Variants in CDH13 observed in about 807,000 individuals in gnomAD.
The protein encoded by CDH13 is cadherin 13.
CDH13 carries 24 observed loss-of-function variants against 63.8 expected under a neutral mutation model. The ratio of observed to expected loss-of-function variants is 0.38; its 90% CI spans 0.27 to 0.53. CDH13 has a LOEUF of 0.53. Among genes scored for constraint, CDH13 ranks in the 20% least tolerant of loss-of-function variants. The pLI is 0.85. For missense variants in CDH13, 1,049 were observed against 903.1 expected (o/e 1.16, Z -2.07); for synonymous variants, 503 against 355.3 (o/e 1.42, Z -4.67).
chr16:82,858,242 C>A (rs2039783061), intron 1 of CDH13, 120 bp from the exon 2 acceptor site: 2 of 646,776 alleles, frequency 3.1e-6, no homozygotes, highest in Non-Finnish European at 5.5e-6. Flanking sequence ...CAACTTACCT[C>A]TTCATTTGGG....
intron 1 of CDH13, among the ~76,000 whole-genome samples, chr16:82,694,953 C>A (rs2030078779): frequency 6.6e-6 from 1 of 152,060 alleles, no homozygotes; most frequent in Admixed American, 6.5e-5. Flanking sequence ...GATTATATGA[C>A]CATGGAGCTA....
chr16:83,576,134 C>T (rs1020114511), intron 7 of CDH13, among the ~76,000 whole-genome samples: 4 of 152,168 alleles, frequency 2.6e-5, no homozygotes, highest in Non-Finnish European at 4.4e-5. Context: ...AAGGAAACTC[C>T]AGAGCCATTA....
chr16:82,987,956 C>G (rs1269624264), intron 2 of CDH13, among the ~76,000 whole-genome samples: 1 of 152,154 alleles, frequency 6.6e-6, no homozygotes, highest in East Asian at 1.9e-4. Context: ...GTCAACAGTG[C>G]CTCGTCTCAT....
Position 83,037,597 on chromosome 16 carries a change from A to G in CDH13, c.366+5379A>G, listed in dbSNP as rs570792920. Among the ~76,000 whole-genome samples the G allele has an allele frequency of 1.2e-4, 18 of 152,318 alleles. No homozygotes were observed. In the South Asian group the frequency reaches 2.7e-3, roughly 23 times the overall value. On this transcript the variant is annotated intron_variant, in intron 3 of 13. Transcript: ENST00000567109. ...ACCAGTCAGGAAAGAAATGTTAGGG[A>G]AAGACGTCTAGTCAGGCTTGAGTGT...
At chr16:82,891,434 C>T (rs1472741279) in intron 2 of CDH13, among the ~76,000 whole-genome samples, 1 of 152,134 alleles carries the variant, frequency 6.6e-6, no homozygotes, top group African/African-American at 2.4e-5. Context: ...CTTGGATTTG[C>T]CTACATTTAG....
intron 5 of CDH13, among the ~76,000 whole-genome samples, chr16:83,238,669 C>T (rs566244832): frequency 3.3e-5 from 5 of 152,260 alleles, no homozygotes; most frequent in African/African-American, 1.2e-4. Context: ...AGATCCTGGT[C>T]TCTTTCATCT....
intron 3 of CDH13, among the ~76,000 whole-genome samples, chr16:83,117,475 G>A (rs543051651): frequency 6.6e-6 from 1 of 152,014 alleles, no homozygotes; most frequent in East Asian, 1.9e-4. Flanking sequence ...AGCACTTCCA[G>A]CCCTCCTCCC....
intron 2 of CDH13, among the ~76,000 whole-genome samples, chr16:82,934,728 G>T (rs899858742): frequency 6.6e-6 from 1 of 152,108 alleles, no homozygotes; most frequent in Non-Finnish European, 1.5e-5. Context: ...GATCTCTAGG[G>T]CAAGGGCAAG....
intron 6 of CDH13, among the ~76,000 whole-genome samples, chr16:83,438,890 C>G (rs1407934323): frequency 1.3e-5 from 2 of 152,142 alleles, no homozygotes; most frequent in African/African-American, 4.8e-5. Flanking sequence ...CCTACAATAA[C>G]TATTGGGAAT....
intron 7 of CDH13, among the ~76,000 whole-genome samples, chr16:83,580,474 CTCTCTCTCTCTCT>C (rs1381094763): frequency 9.3e-6 from 1 of 107,834 alleles, no homozygotes; most frequent in African/African-American, 3.3e-5. Flanking sequence ...CTCTCTCTCT[CTCTCTCTCTCTCT>C]CTCTCTCTCT....
intron 4 of CDH13, among the ~76,000 whole-genome samples, chr16:83,203,146 C>T (rs544571400): frequency 6.6e-6 from 1 of 152,200 alleles, no homozygotes; most frequent in East Asian, 1.9e-4. Context: ...ATTGCTTGAA[C>T]CTGGCAGGTG....
At chr16:83,683,097 C>T (rs773235685) in intron 10 of CDH13, among the ~76,000 whole-genome samples, 2 of 152,174 alleles carry the variant, frequency 1.3e-5, no homozygotes, top group African/African-American at 2.4e-5. Context: ...CAGCAAAGGG[C>T]GCCTTGATCT....
chr16:83,734,872 G>C (rs1189218228), intron 10 of CDH13, among the ~76,000 whole-genome samples: 1 of 151,882 alleles, frequency 6.6e-6, no homozygotes, highest in East Asian at 1.9e-4. Context: ...GCAGTGGTCT[G>C]GTAAGTTTCA....
At chr16:83,261,829 C>G (rs1023127969) in intron 5 of CDH13, among the ~76,000 whole-genome samples, 6 of 152,012 alleles carry the variant, frequency 3.9e-5, no homozygotes, top group African/African-American at 7.3e-5. Context: ...CTGTACCTCT[C>G]AATACTGGTC....
intron 1 of CDH13, among the ~76,000 whole-genome samples, chr16:82,778,637 G>A (rs74525750): frequency 0.06 from 8,962 of 148,176 alleles, 295 homozygotes; most frequent in Non-Finnish European, 0.07. Flanking sequence ...TATTAGATAT[G>A]GCTGCCAGGG....
At chr16:83,248,827 A>G (rs995855695) in intron 5 of CDH13, among the ~76,000 whole-genome samples, 4 of 151,800 alleles carry the variant, frequency 2.6e-5, no homozygotes, top group Non-Finnish European at 4.4e-5. Flanking sequence ...CTACCACAGA[A>G]CTCTCCCCTG....
At chr16:83,726,876 T>C (rs752066840) in intron 10 of CDH13, among the ~76,000 whole-genome samples, 24 of 152,080 alleles carry the variant, frequency 1.6e-4, no homozygotes, top group Non-Finnish European at 3.1e-4. Flanking sequence ...TTTGGCGTTC[T>C]GTCAGTCAAG....
At chr16:83,171,569 T>G (rs1197289025) in intron 4 of CDH13, 1 of 1,533,242 alleles carries the variant, frequency 6.5e-7, no homozygotes, top group Non-Finnish European at 8.7e-7. Context: ...TGACATGAGA[T>G]AAGTGCACAG....
intron 6 of CDH13, among the ~76,000 whole-genome samples, chr16:83,445,526 A>T (rs1456010654): frequency 1.3e-5 from 2 of 152,180 alleles, no homozygotes; most frequent in African/African-American, 4.8e-5. Flanking sequence ...CTGGACCGAT[A>T]GCCTCCCACA....
Sources: allele counts gnomAD v4.1 joint callset (sites outside exome capture counted in the v4.1 genomes callset), GRCh38; gene constraint gnomAD v4.1.1; transcripts MANE v1.5; gene names NCBI Gene and HGNC (gene_info 2026-07-23, HGNC 2026-07-21).